Variants in EPHA6 observed in about 807,000 individuals in gnomAD.
The protein encoded by EPHA6 is ephrin type-A receptor 6.
A neutral mutation model predicts 112.0 loss-of-function variants in EPHA6; 50 were observed. That is an observed-to-expected ratio of 0.45 (90% CI 0.36 to 0.56). The LOEUF is 0.56. Ranked by LOEUF, EPHA6 falls within the 20% of genes least tolerant of loss-of-function variation. EPHA6 has a pLI of 0.00. For missense variants in EPHA6, 1,280 were observed against 1,417.4 expected (o/e 0.90, Z 1.56); for synonymous variants, 529 against 490.7 (o/e 1.08, Z -1.03).
chr3:97,670,839 T>C (rs981886386), intron 14 of EPHA6, among the ~76,000 whole-genome samples: 1 of 152,196 alleles, frequency 6.6e-6, no homozygotes, highest in African/African-American at 2.4e-5. Context: ...GAAACAGATA[T>C]TGTGTTAGCT....
chr3:97,612,407 A>G (rs183718595), intron 13 of EPHA6: 298 of 427,490 alleles, frequency 7.0e-4, no homozygotes, highest in Non-Finnish European at 1.2e-3. Context: ...ATAATGGCAA[A>G]CAGTGTAGCA....
chr3:97,369,762 G>A (rs1357344927), intron 5 of EPHA6, among the ~76,000 whole-genome samples: 3 of 151,932 alleles, frequency 2.0e-5, no homozygotes, highest in African/African-American at 7.3e-5. Flanking sequence ...ATCAATATAT[G>A]TCCTTCCTAT....
At chr3:96,916,599 G>A (rs943626498) in intron 2 of EPHA6, among the ~76,000 whole-genome samples, 4 of 152,054 alleles carry the variant, frequency 2.6e-5, no homozygotes, top group Admixed American at 1.3e-4. Context: ...CAAGGAGCTG[G>A]GGGAGAGAAA....
chr3:97,612,027 C>T (rs779033176), intron 13 of EPHA6, among the ~76,000 whole-genome samples: 4 of 151,974 alleles, frequency 2.6e-5, no homozygotes, highest in Admixed American at 6.6e-5. Flanking sequence ...CAATGCTGCT[C>T]GTGCAGTGTA....
At chr3:97,168,718 G>A (rs1224717647) in intron 3 of EPHA6, among the ~76,000 whole-genome samples, 1 of 151,954 alleles carries the variant, frequency 6.6e-6, no homozygotes, top group African/African-American at 2.4e-5. Context: ...AGAAACAGAA[G>A]CCTGTACAGC....
intron 3 of EPHA6, among the ~76,000 whole-genome samples, chr3:97,021,658 A>G (rs942367184): frequency 6.6e-6 from 1 of 152,196 alleles, no homozygotes; most frequent in Non-Finnish European, 1.5e-5. Context: ...GTGTCATCAC[A>G]TGGTTTTTCC....
intron 10 of EPHA6, among the ~76,000 whole-genome samples, chr3:97,489,724 A>G (rs530339736): frequency 1.3e-5 from 2 of 151,402 alleles, no homozygotes; most frequent in East Asian, 1.9e-4. Context: ...TTATTTTTTT[A>G]TATTTAGGAG....
intron 2 of EPHA6, among the ~76,000 whole-genome samples, chr3:96,951,120 A>G (rs1463112714): frequency 3.3e-5 from 5 of 152,116 alleles, no homozygotes; most frequent in Non-Finnish European, 7.4e-5. Flanking sequence ...AGAAAAGAAT[A>G]ATTGAGAAAC....
chr3:96,934,078 T>A (rs1328537312), intron 2 of EPHA6, among the ~76,000 whole-genome samples: 1 of 152,058 alleles, frequency 6.6e-6, no homozygotes. Context: ...AATAAGCTAT[T>A]TGTTAATAGC....
rs753526043 is a variant in EPHA6, at chr3:97,756,196, CTTTA to C, written c.*7502_*7505del. On this transcript the variant is annotated 3_prime_UTR_variant, in exon 18 of 18. Transcript: ENST00000389672. ...GGAAGTTTTTCTTTGACTGTGCATGCTTTATTTATTACCATATTGTTTTTGTCTT... is the reference window on the plus strand; with the variant it reads ...GGAAGTTTTTCTTTGACTGTGCATGCTTTATTACCATATTGTTTTTGTCTT... Among the ~76,000 whole-genome samples, 5 of 151,838 alleles carry C rather than the reference CTTTA, an allele frequency of 3.3e-5. No individual in the cohort carries two copies. The highest frequency in any genetic ancestry group is 1.9e-4 in the East Asian group (1 of 5,192).
At chr3:97,111,684 T>G (rs1391058531) in intron 3 of EPHA6, among the ~76,000 whole-genome samples, 1 of 152,178 alleles carries the variant, frequency 6.6e-6, no homozygotes, top group Non-Finnish European at 1.5e-5. Context: ...CCTTTGGATT[T>G]TTTTCATTTT....
At chr3:97,688,475 G>A (rs909307988) in intron 14 of EPHA6, among the ~76,000 whole-genome samples, 3 of 149,338 alleles carry the variant, frequency 2.0e-5, no homozygotes, top group Admixed American at 6.8e-5. Flanking sequence ...GCAAACTATC[G>A]CAGAAAACCA....
intron 3 of EPHA6, among the ~76,000 whole-genome samples, chr3:97,102,245 G>C (rs2047425550): frequency 6.6e-6 from 1 of 152,026 alleles, no homozygotes; most frequent in African/African-American, 2.4e-5. Context: ...CCAAACGTAT[G>C]AGTGAAGCAA....
intron 5 of EPHA6, among the ~76,000 whole-genome samples, chr3:97,402,470 G>A (rs1162546223): frequency 3.9e-5 from 6 of 151,920 alleles, no homozygotes; most frequent in Admixed American, 1.3e-4. Flanking sequence ...GCTTGTTTTT[G>A]GCTTGCATTT....
intron 5 of EPHA6, among the ~76,000 whole-genome samples, chr3:97,345,668 T>A (rs2083498523): frequency 6.6e-6 from 1 of 152,142 alleles, no homozygotes; most frequent in African/African-American, 2.4e-5. Flanking sequence ...GTATTGGATA[T>A]CTATTTTGAG....
intron 3 of EPHA6, among the ~76,000 whole-genome samples, chr3:97,124,467 A>AG (rs2048127013): frequency 1.4e-5 from 2 of 140,308 alleles, no homozygotes; most frequent in Admixed American, 1.4e-4. Context: ...ATTCTGTTTA[A>AG]AAAAAGAAAG....
At chr3:97,028,113 A>G (rs1356552029) in intron 3 of EPHA6, among the ~76,000 whole-genome samples, 1 of 152,144 alleles carries the variant, frequency 6.6e-6, no homozygotes, top group East Asian at 1.9e-4. Context: ...GGTAGGATTA[A>G]CAATACTTGA....
At chr3:96,885,726 G>A (rs1479306739) in intron 2 of EPHA6, among the ~76,000 whole-genome samples, 1 of 151,462 alleles carries the variant, frequency 6.6e-6, no homozygotes, top group East Asian at 1.9e-4. Context: ...ATTTCATTTA[G>A]TTTTGCCCTG....
chr3:96,944,754 A>G (rs1205038794), intron 2 of EPHA6, among the ~76,000 whole-genome samples: 1 of 152,196 alleles, frequency 6.6e-6, no homozygotes, highest in Non-Finnish European at 1.5e-5. Context: ...ATCCTGGCCA[A>G]CATGGTGAAA....
Sources: gnomAD v4.1 joint callset for allele counts (sites outside exome capture counted in the v4.1 genomes callset) on GRCh38, gnomAD v4.1.1 for gene constraint, MANE v1.5 for transcripts, NCBI Gene and HGNC (gene_info 2026-07-23, HGNC 2026-07-21) for gene names.